RGS5: variants seen among roughly 807,000 people sequenced by gnomAD.
The protein encoded by RGS5 is regulator of G protein signaling 5, also known as regulator of G-protein signalling 5.
Under a neutral mutation model 18.9 loss-of-function variants are expected in RGS5, and 20 were observed. The ratio of observed to expected loss-of-function variants is 1.06; its 90% CI spans 0.74 to 1.54. The LOEUF (loss-of-function observed/expected upper bound fraction) is 1.54. Ranked by LOEUF, RGS5 falls within the 40% of genes most tolerant of loss-of-function variation. RGS5 has a pLI of 0.00. For missense variants in RGS5, 201 were observed against 211.8 expected (o/e 0.95, Z 0.32); for synonymous variants, 57 against 76.2 (o/e 0.75, Z 1.31).
intron 4 of RGS5, among the ~76,000 whole-genome samples, chr1:163,148,751 AG>A (rs1657257755): frequency 6.6e-6 from 1 of 152,330 alleles, no homozygotes; most frequent in Admixed American, 6.5e-5. Flanking sequence ...GAGTTGTACA[AG>A]GTACAGCCTA....
chr1:163,216,605 AT>A (rs1174346243), intron 1 of RGS5, among the ~76,000 whole-genome samples: 5 of 152,062 alleles, frequency 3.3e-5, no homozygotes, highest in Admixed American at 2.0e-4. Context: ...CTTTTAGGAG[AT>A]TTTTCGTAGG....
intron 2 of RGS5, among the ~76,000 whole-genome samples, chr1:163,281,388 C>T: frequency 6.6e-6 from 1 of 152,068 alleles, no homozygotes; most frequent in South Asian, 2.1e-4. Flanking sequence ...CTGGTGAGAG[C>T]CTCAGGAAGC....
intron 2 of RGS5, among the ~76,000 whole-genome samples, chr1:163,267,703 T>C (rs143373937): frequency 3.9e-4 from 60 of 152,278 alleles, no homozygotes; most frequent in African/African-American, 1.4e-3. Context: ...TTGAGTTTTA[T>C]AAGGGTTAGA....
At chr1:163,220,449 T>G (rs73028969), upstream of RGS5, among the ~76,000 whole-genome samples, 1,372 of 152,284 alleles carry the variant, frequency 9.0e-3, 11 homozygotes, top group African/African-American at 0.031. Context: ...ATTTTATGAA[T>G]CTCCTTCAAT....
intron 1 of RGS5, among the ~76,000 whole-genome samples, chr1:163,197,635 T>C (rs1020546294): frequency 1.3e-5 from 2 of 152,168 alleles, no homozygotes; most frequent in Non-Finnish European, 2.9e-5. Context: ...TCAGTAGGAA[T>C]CAAAATAAAT....
chr1:163,236,610 A>G (rs1357076375), intron 2 of RGS5, among the ~76,000 whole-genome samples: 3 of 152,138 alleles, frequency 2.0e-5, no homozygotes, highest in Non-Finnish European at 4.4e-5. Context: ...AATACCGCCT[A>G]CAAACCAGCA....
intron 2 of RGS5, among the ~76,000 whole-genome samples, chr1:163,246,319 C>T (rs1647934640): frequency 6.6e-6 from 1 of 151,712 alleles, no homozygotes; most frequent in Admixed American, 6.6e-5. Flanking sequence ...GCCTGTAATC[C>T]CAGCACTTTG....
At chr1:163,222,601 G>A (rs1161215044), upstream of RGS5, among the ~76,000 whole-genome samples, 2 of 152,090 alleles carry the variant, frequency 1.3e-5, no homozygotes, top group Non-Finnish European at 2.9e-5. Context: ...ATTAAATAGC[G>A]ACAGGTCCCT....
At chr1:163,162,459 T>C (rs1256758061) in intron 2 of RGS5, among the ~76,000 whole-genome samples, 4 of 152,160 alleles carry the variant, frequency 2.6e-5, no homozygotes, top group Non-Finnish European at 5.9e-5. Flanking sequence ...TTAAGGATAG[T>C]GGAAGATGTG....
intron 1 of RGS5, among the ~76,000 whole-genome samples, chr1:163,215,777 T>C (rs1053786535): frequency 2.6e-5 from 4 of 151,990 alleles, no homozygotes; most frequent in Non-Finnish European, 5.9e-5. Flanking sequence ...CATTTAAAAG[T>C]TTTTGGGCCA....
chr1:163,254,274 A>C (rs1241742506), intron 2 of RGS5, among the ~76,000 whole-genome samples: 1 of 150,704 alleles, frequency 6.6e-6, no homozygotes, highest in Non-Finnish European at 1.5e-5. Context: ...CCAACAGTGT[A>C]AAAGTGTTCC....
intron 4 of RGS5, 25 bp from the exon 5 acceptor site, chr1:163,147,528 T>C (rs756215787): frequency 6.6e-7 from 1 of 1,525,236 alleles, no homozygotes; most frequent in Non-Finnish European, 8.8e-7. Flanking sequence ...ACAGGGTCAC[T>C]ACATAAGCCT....
chr1:163,154,501 A>G lies in RGS5; in HGVS notation c.218-1785T>C, dbSNP rs148994052. Among the ~76,000 whole-genome samples the G allele has an allele frequency of 1.1e-4, 16 of 152,252 alleles. No individual in the cohort carries two copies. The East Asian group carries it at 3.1e-3, about 29-fold the overall frequency. On this transcript the variant is annotated intron_variant, in intron 3 of 4. Coordinates refer to ENST00000313961, the MANE Select transcript of RGS5 (RefSeq NM_003617.4). ...TAAATACATTTTTAATTGATTAACA[A>G]TAAAAATATATCTAGGAGCAATGGT...
In RGS5 at chr1:163,150,072, GA is replaced by G. The variant is rs139584221; in HGVS notation, c.384+2477del. On this transcript the variant is annotated intron_variant, in intron 4 of 4. Transcript: ENST00000313961. ...AAAGCTTTTTATGTGCTAGGAGTAG[GA>G]TTCACATTCTCTCTAATACCCAGCT... Among the ~76,000 whole-genome samples, 117 of 152,244 alleles carry G rather than the reference GA, an allele frequency of 7.7e-4. 1 individual carries two copies. In the East Asian group the frequency reaches 0.019, roughly 25 times the overall value.
chr1:163,150,894 A>C (rs1201143231), intron 4 of RGS5, among the ~76,000 whole-genome samples: 2 of 152,190 alleles, frequency 1.3e-5, no homozygotes, highest in Non-Finnish European at 2.9e-5. Context: ...TGTGGTAGAG[A>C]AGGGATATTT....
intron 2 of RGS5, chr1:163,260,548 A>C (rs1318024011): frequency 1.3e-5 from 2 of 152,142 alleles, no homozygotes; most frequent in African/African-American, 2.4e-5. Flanking sequence ...ATTGCATATT[A>C]GGTATAATGT....
At chr1:163,298,434 G>C (rs1341200380) in intron 2 of RGS5, among the ~76,000 whole-genome samples, 1 of 152,050 alleles carries the variant, frequency 6.6e-6, no homozygotes, top group Non-Finnish European at 1.5e-5. Context: ...ACTTGAAGAG[G>C]GGCCAGATGA....
chr1:163,189,285 T>G (rs533793780), intron 1 of RGS5, among the ~76,000 whole-genome samples: 1 of 152,138 alleles, frequency 6.6e-6, no homozygotes, highest in South Asian at 2.1e-4. Context: ...GTTGTACATA[T>G]GCTAATAAAA....
chr1:163,281,471 C>T (rs552035971), intron 2 of RGS5, among the ~76,000 whole-genome samples: 83 of 152,112 alleles, frequency 5.5e-4, no homozygotes, highest in African/African-American at 1.7e-3. Flanking sequence ...GAAAAGAGGA[C>T]GAGGGGGCCA....
Sources: allele counts gnomAD v4.1 joint callset (sites outside exome capture counted in the v4.1 genomes callset), GRCh38; gene constraint gnomAD v4.1.1; transcripts MANE v1.5; gene names NCBI Gene and HGNC (gene_info 2026-07-23, HGNC 2026-07-21).